Variants in SULT4A1 observed in about 807,000 individuals in gnomAD.
SULT4A1 encodes sulfotransferase family 4A member 1.
SULT4A1 carries 11 observed loss-of-function variants against 35.2 expected under a neutral mutation model. The observed-to-expected ratio is 0.31, with a 90% CI of 0.20 to 0.52. The LOEUF (loss-of-function observed/expected upper bound fraction) is 0.52. Among genes scored for constraint, SULT4A1 ranks in the 20% least tolerant of loss-of-function variants. The pLI is 0.97. For missense variants in SULT4A1, 271 were observed against 383.7 expected, an observed-to-expected ratio of 0.71 and a Z score of 2.45; for synonymous variants, 152 against 151.8, an observed-to-expected ratio of 1.00 and a Z score of -0.01.
rs77021312 is a variant in SULT4A1, at chr22:43,826,244, G to T, written c.743-131C>A. The T allele has an allele frequency of 6.3e-3, 9,289 of 1,475,230 alleles. 481 individuals are homozygous for T. In the African/African-American group the frequency reaches 0.11, roughly 18 times the overall value. 91.4% of individuals were successfully genotyped at this position (1,475,230 alleles called of 1,614,324 possible). On this transcript the variant is annotated intron_variant, in intron 6 of 6. Transcript: ENST00000330884. ...GATCCCTTTGAACTTGGCCTATGGG[G>T]GCAGGAAGGGCCGTCTGAGCTACAG...
intron 1 of SULT4A1, among the ~76,000 whole-genome samples, chr22:43,861,938 G>A (rs2049474285): frequency 6.6e-6 from 1 of 152,186 alleles, no homozygotes; most frequent in African/African-American, 2.4e-5. Context: ...CTCCTGCAGC[G>A]CCGGCCAAAT....
At chr22:43,834,291 G>T (rs2063348228) in intron 4 of SULT4A1, among the ~76,000 whole-genome samples, 1 of 151,040 alleles carries the variant, frequency 6.6e-6, no homozygotes, top group Non-Finnish European at 1.5e-5. Context: ...CCGCGGCCCT[G>T]TGCTTCCCGC....
intron 5 of SULT4A1, among the ~76,000 whole-genome samples, chr22:43,829,524 A>T (rs1307371596): frequency 6.6e-6 from 1 of 152,220 alleles, no homozygotes; most frequent in Non-Finnish European, 1.5e-5. Context: ...GGTTCTTGTG[A>T]GGAGCAAGAC....
At chr22:43,854,027 C>T (rs2148304431) in intron 1 of SULT4A1, among the ~76,000 whole-genome samples, 1 of 152,332 alleles carries the variant, frequency 6.6e-6, no homozygotes, top group South Asian at 2.1e-4. Flanking sequence ...TGGTGTGCGG[C>T]ATTAAGGGCC....
chr22:43,842,975 A>ATCTCTCTCTCTCTCTCTCTC (rs695712), intron 1 of SULT4A1, among the ~76,000 whole-genome samples: 24 of 144,580 alleles, frequency 1.7e-4, no homozygotes, highest in African/African-American at 4.4e-4. Flanking sequence ...AGTAAACAGC[A>ATCTCTCTCTCTCTCTCTCTC]TCTCTCTCTC....
chr22:43,827,362 G>GT (rs1443885101), intron 6 of SULT4A1: 1 of 985,300 alleles, frequency 1.0e-6, no homozygotes, highest in Non-Finnish European at 1.2e-6. Flanking sequence ...AAAATTATCA[G>GT]TGTTGGAGAG....
chr22:43,844,435 C>T (rs893055142), intron 1 of SULT4A1, among the ~76,000 whole-genome samples: 3 of 152,188 alleles, frequency 2.0e-5, no homozygotes, highest in African/African-American at 7.2e-5. Flanking sequence ...GACCAATTCT[C>T]CCTCCTCACA....
In SULT4A1 at chr22:43,833,364, CCT is replaced by C. The variant is rs1054044130; in HGVS notation, c.603+274_603+275del. The stretch of plus-strand genomic sequence containing the variant: ...CCACTGTAAAGCACTCCAAAGGCCC[CCT>C]GATAAGCCAAGCCCCAGTCCCCTCC... On this transcript the variant is annotated intron_variant, in intron 5 of 6. Transcript: ENST00000330884. Among the ~76,000 whole-genome samples, 3 of 152,170 alleles carry C rather than the reference CCT, an allele frequency of 2.0e-5. No homozygotes were observed. The East Asian group carries it at 5.8e-4, about 30-fold the overall frequency.
chr22:43,858,460 C>T (rs867786736), intron 1 of SULT4A1, among the ~76,000 whole-genome samples: 1 of 152,028 alleles, frequency 6.6e-6, no homozygotes, highest in Non-Finnish European at 1.5e-5. Context: ...GTGTAACAGC[C>T]GGAAGACAAA....
intron 6 of SULT4A1, among the ~76,000 whole-genome samples, chr22:43,827,822 G>A (rs1022394259): frequency 4.0e-5 from 6 of 151,176 alleles, no homozygotes; most frequent in Admixed American, 1.3e-4. Flanking sequence ...TCACATCCAA[G>A]GATAACAAAA....
intron 1 of SULT4A1, among the ~76,000 whole-genome samples, chr22:43,858,635 A>G (rs2049430892): frequency 1.3e-5 from 2 of 152,062 alleles, no homozygotes; most frequent in Non-Finnish European, 2.9e-5. Flanking sequence ...TGTGTGGTAA[A>G]GCTCAAAGGG....
intron 2 of SULT4A1, among the ~76,000 whole-genome samples, chr22:43,840,498 G>C (rs2063418107): frequency 6.6e-6 from 1 of 152,106 alleles, no homozygotes; most frequent in South Asian, 2.1e-4. Context: ...TTTGGCCTGG[G>C]GAGTCCACCC....
intron 4 of SULT4A1, among the ~76,000 whole-genome samples, chr22:43,835,391 G>A (rs574160925): frequency 5.8e-4 from 88 of 152,358 alleles, no homozygotes; most frequent in African/African-American, 2.0e-3. Flanking sequence ...GTCGGGGGCT[G>A]GCGGTGCTAA....
At chr22:43,833,760 C>T (rs1033457554) in intron 4 of SULT4A1, 26 bp from the exon 5 acceptor site, 3 of 1,550,014 alleles carry the variant, frequency 1.9e-6, no homozygotes, top group Non-Finnish European at 2.6e-6. Flanking sequence ...ACAGGGTGAG[C>T]CACACGGCTG....
chr22:43,860,768 T>G (rs2049457586), intron 1 of SULT4A1, among the ~76,000 whole-genome samples: 1 of 152,128 alleles, frequency 6.6e-6, no homozygotes, highest in Non-Finnish European at 1.5e-5. Context: ...GGCTGAGACT[T>G]CCAGCATTTT....
rs1307316834 is a variant in SULT4A1, at chr22:43,826,098, C to T, written c.758G>A (p.Trp253Ter). The change falls in exon 7 of 7, where the codon TGG (tryptophan) becomes TAG (stop). Residue 253 changes from tryptophan (W) to a stop codon, truncating the protein, a stop_gained. Coordinates refer to ENST00000330884, the MANE Select transcript of SULT4A1 (RefSeq NM_014351.4). LOFTEE classifies it high-confidence loss of function. ...LPVGRGRVGL[W>*]KDIFTVSMNE... is the part of the protein sequence containing the mutation. ...CATGGAGACGGTGAAGATGTCCTTC[C>T]ACAGCCCAACTCTTCCTGAAACGCA... 6.2e-7 allele frequency: 1 copy of T among 1,614,054 alleles called. No individual in the cohort carries two copies. The highest frequency in any genetic ancestry group is 1.3e-5 in the African/African-American group (1 of 74,896).
intron 1 of SULT4A1, among the ~76,000 whole-genome samples, chr22:43,858,335 C>T (rs2148309983): frequency 6.6e-6 from 1 of 152,282 alleles, no homozygotes; most frequent in South Asian, 2.1e-4. Context: ...CTCCAGAAGT[C>T]ATTCTGCAGG....
intron 1 of SULT4A1, among the ~76,000 whole-genome samples, chr22:43,860,129 C>A (rs1177031086): frequency 6.6e-6 from 1 of 152,198 alleles, no homozygotes. Flanking sequence ...GGACCAGGCC[C>A]TTCCGGCTCT....
At chr22:43,833,843 G>A in intron 4 of SULT4A1, 109 bp from the exon 5 acceptor site, 3 of 898,030 alleles carry the variant, frequency 3.3e-6, no homozygotes, top group Non-Finnish European at 5.2e-6. Context: ...CAGCCGTGAT[G>A]AGGACATCGT....
Sources: allele counts gnomAD v4.1 joint callset (sites outside exome capture counted in the v4.1 genomes callset), GRCh38; gene constraint gnomAD v4.1.1; transcripts MANE v1.5; gene names NCBI Gene and HGNC (gene_info 2026-07-23, HGNC 2026-07-21).